GRIP1: variants seen among roughly 807,000 people sequenced by gnomAD.
The protein encoded by GRIP1 is glutamate receptor-interacting protein 1.
GRIP1 carries 45 observed loss-of-function variants against 129.9 expected under a neutral mutation model. That is an observed-to-expected ratio of 0.35 (90% CI 0.27 to 0.44). GRIP1 has a LOEUF of 0.44. Among genes scored for constraint, GRIP1 ranks in the 20% least tolerant of loss-of-function variants. The probability of loss-of-function intolerance (pLI) is 1.00; values close to 1 mark genes in which losing one functional copy is unlikely to be tolerated. For synonymous variants in GRIP1, 530 were observed against 520.8 expected, an observed-to-expected ratio of 1.02 and a Z score of -0.24; for missense variants, 1,196 against 1,396.8, an observed-to-expected ratio of 0.86 and a Z score of 2.29.
At chr12:66,966,579 C>A (rs2042001489) in intron 1 of GRIP1, among the ~76,000 whole-genome samples, 1 of 152,144 alleles carries the variant, frequency 6.6e-6, no homozygotes, top group African/African-American at 2.4e-5. Flanking sequence ...CATTAGCTGT[C>A]ATGTTTCCTT....
intron 7 of GRIP1, among the ~76,000 whole-genome samples, chr12:66,484,142 A>T (rs1321726234): frequency 6.6e-6 from 1 of 152,162 alleles, no homozygotes; most frequent in Non-Finnish European, 1.5e-5. Context: ...TACAGGCGTG[A>T]GCCACTGCGC....
rs1445972227 is a variant in GRIP1 at position 66,531,290 on chromosome 12, TATATATATATATACAC to T, written c.419-1392_419-1377del. Among the ~76,000 whole-genome samples the T allele has an allele frequency of 7.7e-4, 49 of 63,522 alleles. 2 individuals are homozygous for T. The highest frequency in any genetic ancestry group is 3.4e-3 in the African/African-American group (44 of 13,038). 41.7% of individuals were successfully genotyped at this position (63,522 alleles called of 152,430 possible). On this transcript the variant is annotated intron_variant, in intron 4 of 24. Transcript: ENST00000359742. ...ATATATATATATATATATATATATATATATATATATATACACACACACACACATACATATACATATA... is the reference window on the plus strand; with the variant it reads ...ATATATATATATATATATATATATATACACACACACATACATATACATATA...
intron 1 of GRIP1, among the ~76,000 whole-genome samples, chr12:66,623,604 G>A (rs2065366730): frequency 6.6e-6 from 1 of 152,140 alleles, no homozygotes; most frequent in Non-Finnish European, 1.5e-5. Flanking sequence ...CCTCCTGGAA[G>A]CCCCAAGTTT....
chr12:66,445,226 G>T (rs1389120112), intron 12 of GRIP1, 96 bp downstream of exon 12: 2 of 977,334 alleles, frequency 2.0e-6, no homozygotes, highest in East Asian at 2.4e-5. Flanking sequence ...TGCATTTCCT[G>T]CATTGAGCAA....
chr12:66,554,262 A>G (rs937730436), intron 2 of GRIP1, among the ~76,000 whole-genome samples: 7 of 152,166 alleles, frequency 4.6e-5, no homozygotes, highest in Non-Finnish European at 8.8e-5. Flanking sequence ...TGGGAGGTGT[A>G]GCTTCTGAAC....
intron 2 of GRIP1, among the ~76,000 whole-genome samples, chr12:66,584,928 C>T (rs1213391882): frequency 2.6e-5 from 4 of 152,026 alleles, no homozygotes; most frequent in African/African-American, 4.8e-5. Context: ...ATGACTCACA[C>T]ATCTTCTCAG....
chr12:67,043,964 C>G (rs997915384), intron 1 of GRIP1, among the ~76,000 whole-genome samples: 1 of 152,002 alleles, frequency 6.6e-6, no homozygotes, highest in Non-Finnish European at 1.5e-5. Flanking sequence ...CATTTCTCAG[C>G]TGCTGAACTG....
At chr12:66,814,216 T>C (rs1042380561) in intron 1 of GRIP1, among the ~76,000 whole-genome samples, 8 of 152,168 alleles carry the variant, frequency 5.3e-5, no homozygotes, top group African/African-American at 1.9e-4. Flanking sequence ...TTAAACTCTC[T>C]GTACCCCATT....
intron 16 of GRIP1, among the ~76,000 whole-genome samples, chr12:66,395,503 T>G (rs990979537): frequency 6.6e-6 from 1 of 152,210 alleles, no homozygotes; most frequent in African/African-American, 2.4e-5. Context: ...GAGTTAACAA[T>G]TCAATTATTT....
chr12:66,766,388 G>C (rs1179418719), intron 1 of GRIP1, among the ~76,000 whole-genome samples: 6 of 152,182 alleles, frequency 3.9e-5, no homozygotes, highest in Non-Finnish European at 8.8e-5. Context: ...TGGTATTCCA[G>C]GGACAGCTGG....
At chr12:66,756,060 C>T (rs552782048) in intron 1 of GRIP1, among the ~76,000 whole-genome samples, 2 of 152,290 alleles carry the variant, frequency 1.3e-5, no homozygotes, top group African/African-American at 4.8e-5. Context: ...TAAATGTTAC[C>T]ATCTTAACCT....
At chr12:66,468,264 C>A (rs2138384874) in intron 7 of GRIP1, among the ~76,000 whole-genome samples, 1 of 152,300 alleles carries the variant, frequency 6.6e-6, no homozygotes, top group East Asian at 1.9e-4. Flanking sequence ...GGGCTCAGAA[C>A]TGGTAAGCCA....
At chr12:66,785,669 T>G (rs181442720) in intron 1 of GRIP1, among the ~76,000 whole-genome samples, 7 of 152,214 alleles carry the variant, frequency 4.6e-5, no homozygotes, top group African/African-American at 1.2e-4. Context: ...TGAAATTCCA[T>G]CATTTAGAGA....
intron 1 of GRIP1, among the ~76,000 whole-genome samples, chr12:66,709,843 G>A (rs2035656686): frequency 6.6e-6 from 1 of 151,966 alleles, no homozygotes; most frequent in African/African-American, 2.4e-5. Flanking sequence ...GAAGTTTATA[G>A]GAAGCTGCTA....
chr12:66,796,717 A>T (rs2038710391), intron 1 of GRIP1, among the ~76,000 whole-genome samples: 1 of 152,192 alleles, frequency 6.6e-6, no homozygotes, highest in Admixed American at 6.5e-5. Context: ...CACGTGCATC[A>T]TCAAGTAATT....
chr12:66,412,178 G>A (rs10735935), intron 15 of GRIP1, among the ~76,000 whole-genome samples: 148,736 of 152,210 alleles, frequency 0.98, 72,769 homozygotes, highest in East Asian at 1. Context: ...ACACATAATC[G>A]TTGGATTCTC....
Position 66,539,150 on chromosome 12 carries a change from C to T in GRIP1, c.346G>A (p.Glu116Lys). The T allele has an allele frequency of 8.7e-6, 14 of 1,614,064 alleles. No individual in the cohort carries two copies. The highest frequency in any genetic ancestry group is 8.5e-6 in the Non-Finnish European group (10 of 1,179,970). Reference protein sequence around the residue: ...GINLAKFRHDEIISLLKNVGE... With the variant: ...GINLAKFRHDKIISLLKNVGE... ...ACATTCTTCAGCAAGCTGATGATCTCGTCATGGCGGAATTTGGCCAGGTTG... is the reference window on the plus strand; with the variant it reads ...ACATTCTTCAGCAAGCTGATGATCTTGTCATGGCGGAATTTGGCCAGGTTG... Residue 116 changes from glutamate to lysine, a missense_variant, in exon 4 of 25, where the codon GAG (glutamate) becomes AAG (lysine). Coordinates refer to ENST00000359742, the MANE Select transcript of GRIP1 (RefSeq NM_001366722.1).
At chr12:66,640,911 C>T (rs1037445393) in intron 1 of GRIP1, among the ~76,000 whole-genome samples, 1 of 152,122 alleles carries the variant, frequency 6.6e-6, no homozygotes, top group African/African-American at 2.4e-5. Context: ...GGGAAAATTC[C>T]TTATACAACA....
chr12:66,757,953 C>G (rs958476050), intron 1 of GRIP1, among the ~76,000 whole-genome samples: 2 of 151,718 alleles, frequency 1.3e-5, no homozygotes, highest in Non-Finnish European at 2.9e-5. Flanking sequence ...CTCATTGATG[C>G]ATAAAAAATC....
Sources: allele counts gnomAD v4.1 joint callset (sites outside exome capture counted in the v4.1 genomes callset), GRCh38; gene constraint gnomAD v4.1.1; transcripts MANE v1.5; gene names NCBI Gene and HGNC (gene_info 2026-07-23, HGNC 2026-07-21).